The following MYO1D variants were observed in gnomAD, a reference collection of about 807,000 sequenced individuals.
MYO1D encodes unconventional myosin-Id.
In MYO1D, 83 loss-of-function variants were observed where a neutral mutation model predicts 122.0. The observed-to-expected ratio is 0.68, with a 90% CI of 0.57 to 0.82. MYO1D has a LOEUF of 0.82. MYO1D is among the 40% of genes least tolerant of loss of function. MYO1D has a pLI of 0.00. For synonymous variants in MYO1D, 464 were observed against 446.9 expected, an observed-to-expected ratio of 1.04 and a Z score of -0.48; for missense variants, 1,157 against 1,269.5, an observed-to-expected ratio of 0.91 and a Z score of 1.35.
At chr17:32,754,473 T>A (rs1184016871) in intron 11 of MYO1D, among the ~76,000 whole-genome samples, 1 of 152,204 alleles carries the variant, frequency 6.6e-6, no homozygotes, top group Non-Finnish European at 1.5e-5. Context: ...AGGAGAATAT[T>A]TTAGAAAAAA....
chr17:32,636,571 G>A (rs2088102466), intron 20 of MYO1D, among the ~76,000 whole-genome samples: 1 of 152,190 alleles, frequency 6.6e-6, no homozygotes, highest in African/African-American at 2.4e-5. Context: ...CCACCCAGAA[G>A]CAGACCCTGA....
intron 1 of MYO1D, among the ~76,000 whole-genome samples, chr17:32,838,950 C>T (rs2090852548): frequency 6.6e-6 from 1 of 152,118 alleles, no homozygotes; most frequent in African/African-American, 2.4e-5. Flanking sequence ...TTTGGAAGTA[C>T]ACTAAATGCT....
chr17:32,861,204 T>C (rs113006058), intron 1 of MYO1D, among the ~76,000 whole-genome samples: 7,291 of 150,142 alleles, frequency 0.049, 229 homozygotes, highest in Middle Eastern at 0.13. Context: ...GAGCTGGGAC[T>C]ACAGGCACCC....
At chr17:32,570,662 C>T (rs225217) in intron 21 of MYO1D, among the ~76,000 whole-genome samples, 71,246 of 151,982 alleles carry the variant, frequency 0.47, 17,003 homozygotes, top group East Asian at 0.56. Context: ...GGTTATTACA[C>T]TTTTTAAGGC....
At chr17:32,796,665 C>T (rs2090419813) in intron 1 of MYO1D, among the ~76,000 whole-genome samples, 1 of 152,336 alleles carries the variant, frequency 6.6e-6, no homozygotes, top group South Asian at 2.1e-4. Context: ...CTGCTGGCCT[C>T]AGCCTTCCAA....
chr17:32,531,349 G>C (rs758943372), intron 21 of MYO1D: 2 of 152,246 alleles, frequency 1.3e-5, no homozygotes, highest in African/African-American at 2.4e-5. Flanking sequence ...TGGAGAAAGA[G>C]AGCTGGGTTG....
intron 20 of MYO1D, among the ~76,000 whole-genome samples, chr17:32,617,394 C>T (rs933595865): frequency 1.3e-5 from 2 of 152,180 alleles, no homozygotes; most frequent in Non-Finnish European, 2.9e-5. Context: ...GTCTTCCCAG[C>T]TAAGGCCTCA....
At chr17:32,568,829 G>C (rs2087196935) in intron 21 of MYO1D, among the ~76,000 whole-genome samples, 1 of 152,214 alleles carries the variant, frequency 6.6e-6, no homozygotes, top group Admixed American at 6.5e-5. Context: ...CACACCTCCA[G>C]AGCAGCTCGA....
chr17:32,799,908 C>G (rs2090446808), intron 1 of MYO1D, among the ~76,000 whole-genome samples: 2 of 152,132 alleles, frequency 1.3e-5, no homozygotes, highest in Non-Finnish European at 2.9e-5. Flanking sequence ...TGATATTTCT[C>G]AAGACATACA....
intron 21 of MYO1D, among the ~76,000 whole-genome samples, chr17:32,537,376 T>C (rs1425505530): frequency 1.3e-5 from 2 of 152,210 alleles, no homozygotes; most frequent in African/African-American, 2.4e-5. Context: ...GCTGCTTTTG[T>C]GACACAATGG....
chr17:32,646,577 T>C (rs887293180), intron 19 of MYO1D, among the ~76,000 whole-genome samples: 4 of 152,136 alleles, frequency 2.6e-5, no homozygotes, highest in Admixed American at 2.6e-4. Context: ...ACCTGTTACA[T>C]AATTTCATAA....
chr17:32,653,029 C>A (rs1450723145), intron 19 of MYO1D, among the ~76,000 whole-genome samples: 1 of 151,910 alleles, frequency 6.6e-6, no homozygotes, highest in African/African-American at 2.4e-5. Flanking sequence ...GTAGTCCCAG[C>A]TACTCGGGAG....
chr17:32,636,034 C>G (rs2088094314), intron 20 of MYO1D, among the ~76,000 whole-genome samples: 1 of 152,006 alleles, frequency 6.6e-6, no homozygotes, highest in Admixed American at 6.6e-5. Flanking sequence ...AAGAAATTTC[C>G]TTTTTATTCC....
chr17:32,577,737 CT>C lies in MYO1D; in HGVS notation c.2864+27349del, dbSNP rs1210009405. The stretch of plus-strand genomic sequence containing the variant: ...ACTTTCAAGATTCAGATACATATTT[CT>C]TTTTTTTTTTTTTCTTTTGAGACGG... On this transcript the variant is annotated intron_variant, in intron 21 of 21. Coordinates refer to ENST00000318217, the MANE Select transcript of MYO1D (RefSeq NM_015194.3). Among the ~76,000 whole-genome samples, 910 of 143,446 alleles carry C rather than the reference CT, an allele frequency of 6.3e-3. 4 individuals carry two copies. Among genetic ancestry groups the C allele is most frequent in the African/African-American group, 0.017 (659 of 39,462 alleles). 94.1% of individuals were successfully genotyped at this position (143,446 alleles called of 152,430 possible).
chr17:32,820,483 T>C (rs1374742249), intron 1 of MYO1D, among the ~76,000 whole-genome samples: 1 of 152,226 alleles, frequency 6.6e-6, no homozygotes, highest in Non-Finnish European at 1.5e-5. Flanking sequence ...GAATGATTAA[T>C]GAACCTGGAG....
chr17:32,638,366 A>G (rs563036900), intron 20 of MYO1D, among the ~76,000 whole-genome samples: 1 of 152,300 alleles, frequency 6.6e-6, no homozygotes, highest in Middle Eastern at 3.4e-3. Flanking sequence ...AAAAAGTAAT[A>G]TTTTAAGTAA....
At chr17:32,721,688 T>C (rs74636517) in intron 14 of MYO1D, among the ~76,000 whole-genome samples, 4,147 of 152,302 alleles carry the variant, frequency 0.027, 138 homozygotes, top group East Asian at 0.19. Flanking sequence ...TTGCATTAGT[T>C]TGCACTTTCG....
intron 16 of MYO1D, among the ~76,000 whole-genome samples, chr17:32,674,247 T>C (rs1281122619): frequency 1.3e-5 from 2 of 152,198 alleles, no homozygotes; most frequent in African/African-American, 2.4e-5. Flanking sequence ...TCAAACTCTA[T>C]AGGCTTTGGG....
chr17:32,809,813 T>C (rs1291431836), intron 1 of MYO1D, among the ~76,000 whole-genome samples: 2 of 152,208 alleles, frequency 1.3e-5, no homozygotes, highest in Non-Finnish European at 1.5e-5. Context: ...TGCTAATACT[T>C]GGACAGGCCT....
Sources: gnomAD v4.1 joint callset for allele counts (sites outside exome capture counted in the v4.1 genomes callset) on GRCh38, gnomAD v4.1.1 for gene constraint, MANE v1.5 for transcripts, NCBI Gene and HGNC (gene_info 2026-07-23, HGNC 2026-07-21) for gene names.